Variants in LYRM7 observed in about 807,000 individuals in gnomAD.
The protein encoded by LYRM7 is LYR motif containing 7.
In LYRM7, 9 loss-of-function variants were observed where a neutral mutation model predicts 15.8. The observed-to-expected ratio is 0.57, with a 90% CI of 0.34 to 0.99. The LOEUF (loss-of-function observed/expected upper bound fraction) is 0.99, where lower values mean the gene tolerates loss of function less well. LYRM7 is among the 50% of genes least tolerant of loss of function. The pLI is 0.02. For synonymous variants in LYRM7, 39 were observed against 39.4 expected (o/e 0.99, Z 0.04); for missense variants, 115 against 119.1 (o/e 0.97, Z 0.16).
chr5:131,204,705 C>T lies in LYRM7; in HGVS notation c.*5104C>T, dbSNP rs937427944. ...AAAAAAAAAAAAGAAATCTGAAACA[C>T]TTCTGATCCCAAGCATTTCAGAAAA... On this transcript the variant is annotated 3_prime_UTR_variant, in exon 5 of 5. Transcript: ENST00000379380. The T allele has an allele frequency of 1.4e-5, 2 of 147,962 alleles. No homozygotes were observed. The highest frequency in any genetic ancestry group is 3.0e-5 in the Non-Finnish European group (2 of 67,588). The allele number at this position is 147,962 out of a possible 1,614,324, so 9.2% of individuals were successfully genotyped here.
At position 131,181,299 on chromosome 5, in the gene LYRM7, A is replaced by T. The variant is rs1755689798; in HGVS notation, c.92-930A>T. 5.1e-5 allele frequency among the ~76,000 whole-genome samples: 2 copies of T among 39,252 alleles called. 1 individual carries two copies. The highest frequency in any genetic ancestry group is 3.0e-4 in the African/African-American group (2 of 6,756). The allele number at this position is 39,252 out of a possible 152,430, so 25.8% of individuals were successfully genotyped here. On this transcript the variant is annotated intron_variant, in intron 2 of 4. Coordinates refer to ENST00000379380, the MANE Select transcript of LYRM7 (RefSeq NM_181705.4). Reference sequence around the variant, plus strand: ...TGAAAAAAAAAAAAAAAAAAAAAAAAAAAATATATATATATATACACACAC... The same window carrying T: ...TGAAAAAAAAAAAAAAAAAAAAAAATAAAATATATATATATATACACACAC...
At position 131,191,820 on chromosome 5, in the gene LYRM7, T is replaced by C. The variant is rs114015983; in HGVS notation, c.244+4711T>C. On this transcript the variant is annotated intron_variant, in intron 4 of 4. Coordinates refer to ENST00000379380, the MANE Select transcript of LYRM7 (RefSeq NM_181705.4). The stretch of plus-strand genomic sequence containing the variant: ...GGAATGTAAATTAGGATAGCCATTA[T>C]AGAAAACAGTATAGAGGTTCCTCAA... Among the ~76,000 whole-genome samples, 925 of 152,246 alleles carry C rather than the reference T, an allele frequency of 6.1e-3. 10 individuals carry two copies. Among genetic ancestry groups the C allele is most frequent in the African/African-American group, 0.022 (895 of 41,546 alleles).
intron 2 of LYRM7, among the ~76,000 whole-genome samples, chr5:131,180,978 C>A (rs112283700): frequency 0.075 from 11,339 of 151,700 alleles, 1,166 homozygotes; most frequent in African/African-American, 0.24. Flanking sequence ...AAACTCTAAA[C>A]CACCTTACGT....
rs760021801 is a variant in LYRM7 at position 131,188,409 on chromosome 5, TAAAA to T, written c.244+1318_244+1321del. Among the ~76,000 whole-genome samples the T allele has an allele frequency of 7.1e-4, 92 of 129,430 alleles. 1 individual carries two copies. Among genetic ancestry groups the T allele is most frequent in the East Asian group, 3.3e-3 (15 of 4,520 alleles). The allele number at this position is 129,430 out of a possible 152,430, so 84.9% of individuals were successfully genotyped here. A position where few individuals can be genotyped will look rare whatever the true frequency, so the allele number is the denominator to read the frequency against. On this transcript the variant is annotated intron_variant, in intron 4 of 4. Coordinates refer to ENST00000379380, the MANE Select transcript of LYRM7 (RefSeq NM_181705.4). ...ACCAACATGTAAAACAAGCCACATG[TAAAA>T]AAAAAAAAAAAAAAAAATTGGCCTT...
In LYRM7 at chr5:131,201,320, AAAAAAGAAAAAAAAAGG is replaced by A. The variant is rs1756060645; in HGVS notation, c.*1726_*1742del. 1 of 151,692 alleles carries A rather than the reference AAAAAAGAAAAAAAAAGG, an allele frequency of 6.6e-6. No homozygotes were observed. The highest frequency in any genetic ancestry group is 1.5e-5 in the Non-Finnish European group (1 of 68,034). The allele number at this position is 151,692 out of a possible 1,614,324, so 9.4% of individuals were successfully genotyped here. A position where few individuals can be genotyped will look rare whatever the true frequency, so the allele number is the denominator to read the frequency against. ...CAGAGTGAGACTCTGTCTCAAAAAAAAAAAAGAAAAAAAAAGGAAAAAGGAAAAAAAAAAGATATATT... is the reference window on the plus strand; with the variant it reads ...CAGAGTGAGACTCTGTCTCAAAAAAAAAAAAGGAAAAAAAAAAGATATATT... On this transcript the variant is annotated 3_prime_UTR_variant, in exon 5 of 5. Transcript: ENST00000379380.
chr5:131,170,977 G>C lies in LYRM7; in HGVS notation c.-44G>C. 1.3e-6 allele frequency: 2 copies of C among 1,534,574 alleles called. No individual in the cohort carries two copies. Among genetic ancestry groups the C allele is most frequent in the South Asian group, 2.5e-5 (2 of 80,530 alleles). On this transcript the variant is annotated 5_prime_UTR_variant, in exon 1 of 5. Transcript: ENST00000379380. Reference sequence around the variant, plus strand: ...CTTTGATTGGTTGCTGAGAGGCGGGGCTACTCGACTGCTCTGGAGGTAGCG... The same window carrying C: ...CTTTGATTGGTTGCTGAGAGGCGGGCCTACTCGACTGCTCTGGAGGTAGCG...
chr5:131,205,225 A>T lies in LYRM7; in HGVS notation c.*5624A>T, dbSNP rs1756158991. The stretch of plus-strand genomic sequence containing the variant: ...GGATATCATTCCCTTACTTGTGTTT[A>T]TACTTTTACCAAGTGTGTATGTATT... On this transcript the variant is annotated 3_prime_UTR_variant, in exon 5 of 5. Transcript: ENST00000379380. The T allele has an allele frequency of 6.6e-6, 1 of 152,198 alleles. No individual in the cohort carries two copies. Among genetic ancestry groups the T allele is most frequent in the South Asian group, 2.1e-4 (1 of 4,828 alleles). The allele number at this position is 152,198 out of a possible 1,614,324, so 9.4% of individuals were successfully genotyped here. A position where few individuals can be genotyped will look rare whatever the true frequency, so the allele number is the denominator to read the frequency against.
In LYRM7 at chr5:131,204,693, A is replaced by G. The variant is rs1341212713; in HGVS notation, c.*5092A>G. The G allele has an allele frequency of 6.6e-6, 1 of 151,146 alleles. No individual in the cohort carries two copies. Among genetic ancestry groups the G allele is most frequent in the Non-Finnish European group, 1.5e-5 (1 of 67,786 alleles). The allele number at this position is 151,146 out of a possible 1,614,324, so 9.4% of individuals were successfully genotyped here. On this transcript the variant is annotated 3_prime_UTR_variant, in exon 5 of 5. Transcript: ENST00000379380. ...CCAAAATACAAAAAAAAAAAAAAAG[A>G]AATCTGAAACACTTCTGATCCCAAG...
At chr5:131,181,163 C>A (rs1219881368) in intron 2 of LYRM7, among the ~76,000 whole-genome samples, 2 of 144,730 alleles carry the variant, frequency 1.4e-5, no homozygotes, top group Non-Finnish European at 1.5e-5. Flanking sequence ...TGGTGGCACA[C>A]ACCTGTAATC....
In LYRM7 at chr5:131,170,945, G is replaced by C; in HGVS notation, c.-76G>C. 1 of 1,499,412 alleles carries C rather than the reference G, an allele frequency of 6.7e-7. No individual in the cohort carries two copies. The highest frequency in any genetic ancestry group is 8.9e-7 in the Non-Finnish European group (1 of 1,123,468). The allele number at this position is 1,499,412 out of a possible 1,614,324, so 92.9% of individuals were successfully genotyped here. On this transcript the variant is annotated 5_prime_UTR_variant, in exon 1 of 5. Transcript: ENST00000379380. ...ACGCGACTACAGGGGGCTGGAAACA[G>C]TTCAGTCTTTGATTGGTTGCTGAGA...
At chr5:131,184,706 C>T (rs1001281404) in intron 3 of LYRM7, among the ~76,000 whole-genome samples, 1 of 151,724 alleles carries the variant, frequency 6.6e-6, no homozygotes, top group Non-Finnish European at 1.5e-5. Context: ...CGCCTAATCC[C>T]TTATTCCTCA....
In LYRM7 at chr5:131,171,118, T is replaced by C. The variant is rs909094621; in HGVS notation, c.18+80T>C. Reference sequence around the variant, plus strand: ...GTCCTTGAGAAAACTGTCTGGAGTCTCTGGAGGCTGGGGCTCCTGACCCTT... The same window carrying C: ...GTCCTTGAGAAAACTGTCTGGAGTCCCTGGAGGCTGGGGCTCCTGACCCTT... On this transcript the variant is annotated intron_variant, in intron 1 of 4. Transcript: ENST00000379380. The C allele has an allele frequency of 3.6e-6, 5 of 1,375,142 alleles. No individual in the cohort carries two copies. The African/African-American group carries it at 6.1e-5, about 17-fold the overall frequency. The allele number at this position is 1,375,142 out of a possible 1,614,324, so 85.2% of individuals were successfully genotyped here.
intron 2 of LYRM7, among the ~76,000 whole-genome samples, chr5:131,181,479 CATAT>C (rs375242515): frequency 4.2e-4 from 54 of 127,118 alleles, no homozygotes; most frequent in African/African-American, 1.6e-3. Context: ...ATATATATAA[CATAT>C]ATATGTATAT....
rs577100267 is a variant in LYRM7 at position 131,170,970 on chromosome 5, A to G, written c.-51A>G. On this transcript the variant is annotated 5_prime_UTR_variant, in exon 1 of 5. Coordinates refer to ENST00000379380, the MANE Select transcript of LYRM7 (RefSeq NM_181705.4). Reference sequence around the variant, plus strand: ...GTTCAGTCTTTGATTGGTTGCTGAGAGGCGGGGCTACTCGACTGCTCTGGA... The same window carrying G: ...GTTCAGTCTTTGATTGGTTGCTGAGGGGCGGGGCTACTCGACTGCTCTGGA... The G allele has an allele frequency of 3.3e-6, 5 of 1,528,340 alleles. No homozygotes were observed. Among genetic ancestry groups the G allele is most frequent in the East Asian group, 5.2e-5 (2 of 38,442 alleles). 94.7% of individuals were successfully genotyped at this position (1,528,340 alleles called of 1,614,324 possible).
rs1409291715 is a variant in LYRM7, at chr5:131,205,059, C to T, written c.*5458C>T. On this transcript the variant is annotated 3_prime_UTR_variant, in exon 5 of 5. Transcript: ENST00000379380. ...ATATTAGCAAATAATATAGCACACT[C>T]ATGAACCTAATTCCCACATTTGATA... is the stretch of plus-strand genomic sequence containing the variant. The T allele has an allele frequency of 6.6e-6, 1 of 152,206 alleles. No individual in the cohort carries two copies. The highest frequency in any genetic ancestry group is 1.9e-4 in the East Asian group (1 of 5,338). 9.4% of individuals were successfully genotyped at this position (152,206 alleles called of 1,614,324 possible). A position where few individuals can be genotyped will look rare whatever the true frequency, so the allele number is the denominator to read the frequency against.
In LYRM7 at chr5:131,205,337, T is replaced by A. The variant is rs536072753; in HGVS notation, c.*5736T>A. 6.6e-6 allele frequency: 1 copy of A among 152,354 alleles called. No homozygotes were observed. The highest frequency in any genetic ancestry group is 2.1e-4 in the South Asian group (1 of 4,830). The allele number at this position is 152,354 out of a possible 1,614,324, so 9.4% of individuals were successfully genotyped here. ...TGCAACTTTTCATCATACATTAGGT[T>A]TTGGCGATTTAGCCATAATTTGGCA... On this transcript the variant is annotated 3_prime_UTR_variant, in exon 5 of 5. Coordinates refer to ENST00000379380, the MANE Select transcript of LYRM7 (RefSeq NM_181705.4).
At chr5:131,197,541 C>CTT (rs60003952) in intron 4 of LYRM7, among the ~76,000 whole-genome samples, 19,203 of 90,632 alleles carry the variant, frequency 0.21, 3,413 homozygotes, top group African/African-American at 0.34. Flanking sequence ...TGTCTTCTGT[C>CTT]TTTTTTTTTT....
Position 131,182,145 on chromosome 5 carries a change from T to C in LYRM7, c.92-84T>C, listed in dbSNP as rs535747849. ...AATTTCTATAGTAGAGAAGTAGCCATTCATAGTGAATAATGTGTCAATTAT... is the reference window on the plus strand; with the variant it reads ...AATTTCTATAGTAGAGAAGTAGCCACTCATAGTGAATAATGTGTCAATTAT... On this transcript the variant is annotated intron_variant, in intron 2 of 4. Coordinates refer to ENST00000379380, the MANE Select transcript of LYRM7 (RefSeq NM_181705.4). 1.9e-4 allele frequency: 221 copies of C among 1,179,322 alleles called. 3 individuals carry two copies. In the South Asian group the frequency reaches 3.1e-3, roughly 17 times the overall value. The allele number at this position is 1,179,322 out of a possible 1,614,324, so 73.1% of individuals were successfully genotyped here.
intron 1 of LYRM7, among the ~76,000 whole-genome samples, chr5:131,175,875 CA>C (rs1755594832): frequency 6.6e-6 from 1 of 152,130 alleles, no homozygotes; most frequent in African/African-American, 2.4e-5. Context: ...TCTCCTGCCT[CA>C]ACCTCCCAAG....
Sources: gnomAD v4.1 joint callset for allele counts (sites outside exome capture counted in the v4.1 genomes callset) on GRCh38, gnomAD v4.1.1 for gene constraint, MANE v1.5 for transcripts, NCBI Gene and HGNC (gene_info 2026-07-23, HGNC 2026-07-21) for gene names.